TM9SF2: variants seen among roughly 807,000 people sequenced by gnomAD.
The protein encoded by TM9SF2 is 76 kDa membrane protein.
A neutral mutation model predicts 84.9 loss-of-function variants in TM9SF2; 13 were observed. The ratio of observed to expected loss-of-function variants is 0.15; its 90% CI spans 0.10 to 0.24. TM9SF2 has a LOEUF of 0.24. TM9SF2 is among the 10% of genes least tolerant of loss of function. TM9SF2 has a pLI of 1.00. For missense variants in TM9SF2, 562 were observed against 818.5 expected (o/e 0.69, Z 3.82); for synonymous variants, 273 against 285.8 (o/e 0.96, Z 0.45).
chr13:99,543,463 C>T (rs1263018836), intron 9 of TM9SF2, among the ~76,000 whole-genome samples: 2 of 152,136 alleles, frequency 1.3e-5, no homozygotes, highest in African/African-American at 4.8e-5. Flanking sequence ...AGCAAAGTAG[C>T]TAGAATATGA....
chr13:99,549,160 T>C lies in TM9SF2; in HGVS notation c.1271-5T>C, dbSNP rs199799006. 1.3e-4 allele frequency: 204 copies of C among 1,612,302 alleles called. 1 individual carries two copies. The African/African-American group carries it at 2.4e-3, about 19-fold the overall frequency. ...TATTTATACAACTTTTGTTTTCTTC[T>C]ATAGCCTTTGGAGGTGAGAAGTGGA... is the stretch of plus-strand genomic sequence containing the variant. On this transcript the variant is annotated splice_polypyrimidine_tract_variant and splice_region_variant and intron_variant, in intron 11 of 16. Coordinates refer to ENST00000376387, the MANE Select transcript of TM9SF2 (RefSeq NM_004800.3).
At chr13:99,515,609 T>C (rs1367843987) in intron 1 of TM9SF2, among the ~76,000 whole-genome samples, 1 of 152,242 alleles carries the variant, frequency 6.6e-6, no homozygotes, top group Non-Finnish European at 1.5e-5. Context: ...TTCCCTCTTC[T>C]GAATATTACT....
intron 1 of TM9SF2, 37 bp downstream of exon 1, chr13:99,501,814 G>A: frequency 6.3e-7 from 1 of 1,577,458 alleles, no homozygotes; most frequent in Non-Finnish European, 8.6e-7. Context: ...ATGCACTGTT[G>A]GAAGGGGAAG....
intron 16 of TM9SF2, among the ~76,000 whole-genome samples, chr13:99,561,618 G>A (rs1485510847): frequency 4.6e-5 from 7 of 152,164 alleles, no homozygotes; most frequent in African/African-American, 7.2e-5. Context: ...TACAATGTAA[G>A]GATGGATATA....
At chr13:99,508,439 A>ACACC (rs751358332) in intron 1 of TM9SF2, among the ~76,000 whole-genome samples, 3 of 151,448 alleles carry the variant, frequency 2.0e-5, no homozygotes, top group Admixed American at 6.6e-5. Context: ...ACACACACAC[A>ACACC]CACACCCCAG....
rs762293864 is a variant in TM9SF2 at position 99,539,555 on chromosome 13, G to C, written c.826G>C (p.Glu276Gln). 2 of 1,570,188 alleles carry C rather than the reference G, an allele frequency of 1.3e-6. No homozygotes were observed. The highest frequency in any genetic ancestry group is 3.3e-5 in the Admixed American group (2 of 59,942). The change falls in exon 7 of 17, where the codon GAG (glutamate) becomes CAG (glutamine). Residue 276 changes from glutamate to glutamine, a missense_variant and splice_region_variant. Physicochemically the swap from Glu to Gln is conservative, Grantham distance 29 (BLOSUM62 2). This residue lies in a region of TM9SF2 where 219 missense variants were observed against 338.1 expected (regional missense o/e 0.65). Transcript: ENST00000376387. Reference sequence around the variant, plus strand: ...TGCCTATACTTACTCTGTTAGCTTCGAGGTGAGTCTGTTGTTATCTTTAGT... The same window carrying C: ...TGCCTATACTTACTCTGTTAGCTTCCAGGTGAGTCTGTTGTTATCTTTAGT... ...KIAYTYSVSF[E>Q]EDDKIRWASR... is the part of the protein sequence containing the mutation.
chr13:99,562,027 G>A (rs1223681050), intron 16 of TM9SF2, among the ~76,000 whole-genome samples: 1 of 152,140 alleles, frequency 6.6e-6, no homozygotes, highest in Non-Finnish European at 1.5e-5. Flanking sequence ...AATAGTCTAT[G>A]GAGGCAATGA....
chr13:99,502,695 G>T (rs1209291840), intron 1 of TM9SF2, among the ~76,000 whole-genome samples: 1 of 152,124 alleles, frequency 6.6e-6, no homozygotes, highest in Admixed American at 6.5e-5. Flanking sequence ...ATTTCGTTAA[G>T]TTTATTTAAA....
At chr13:99,552,613 A>C (rs951853051) in intron 13 of TM9SF2, among the ~76,000 whole-genome samples, 6 of 152,106 alleles carry the variant, frequency 3.9e-5, no homozygotes, top group African/African-American at 1.4e-4. Context: ...TCATTCATTC[A>C]TTCATTTAGA....
chr13:99,539,789 A>G (rs544765047), intron 7 of TM9SF2, among the ~76,000 whole-genome samples: 1 of 152,194 alleles, frequency 6.6e-6, no homozygotes, highest in Non-Finnish European at 1.5e-5. Flanking sequence ...AGTGTTAAGC[A>G]TAAGAGATAC....
intron 4 of TM9SF2, among the ~76,000 whole-genome samples, chr13:99,531,199 T>C (rs567010270): frequency 6.6e-6 from 1 of 152,278 alleles, no homozygotes; most frequent in South Asian, 2.1e-4. Flanking sequence ...AAATCCAACA[T>C]TTGAAGTATA....
chr13:99,555,984 A>G lies in TM9SF2; in HGVS notation c.1752+337A>G, dbSNP rs183655626. On this transcript the variant is annotated intron_variant, in intron 15 of 16. Coordinates refer to ENST00000376387, the MANE Select transcript of TM9SF2 (RefSeq NM_004800.3). ...GCCTGAGATAAAAGAATATAAAATA[A>G]TCTATTAAAAAATACAAAAAAAATT... 6.1e-3 allele frequency among the ~76,000 whole-genome samples: 929 copies of G among 152,244 alleles called. 8 individuals are homozygous for G. The highest frequency in any genetic ancestry group is 0.021 in the African/African-American group (855 of 41,566).
Position 99,549,166 on chromosome 13 carries a change from C to T in TM9SF2, c.1272C>T (p.Ser424=), listed in dbSNP as rs1393329193. 6 of 1,612,398 alleles carry T rather than the reference C, an allele frequency of 3.7e-6. No individual in the cohort carries two copies. The highest frequency in any genetic ancestry group is 1.3e-5 in the African/African-American group (1 of 74,804). ...TACAACTTTTGTTTTCTTCTATAGC[C>T]TTTGGAGGTGAGAAGTGGAAAACAA... ...AGYVAARFYK[S]FGGEKWKTNV... is the part of the protein sequence containing the mutation. The change falls in exon 12 of 17, where the codon TCC becomes TCT. Residue 424 remains serine, a splice_region_variant and synonymous_variant. Coordinates refer to ENST00000376387, the MANE Select transcript of TM9SF2 (RefSeq NM_004800.3).
Position 99,559,408 on chromosome 13 carries a change from G to T in TM9SF2, c.1798G>T (p.Ala600Ser), listed in dbSNP as rs1566575077. 6.2e-7 allele frequency: 1 copy of T among 1,607,494 alleles called. No individual in the cohort carries two copies. Among genetic ancestry groups the T allele is most frequent in the Admixed American group, 1.7e-5 (1 of 58,850 alleles). ...TTCATTCCTTACGAGTGGCTTTACT[G>T]CAGTTTATTTCTTAATCTATGCAGT... ...WRSFLTSGFT[A>S]VYFLIYAVHY... Residue 600 changes from alanine (A) to serine (S), a missense_variant, in exon 16 of 17, where the codon GCA becomes TCA. By Grantham distance (99) the Ala-to-Ser change is moderately conservative (BLOSUM62 1). Around this residue, in one of 4 missense-constraint regions of TM9SF2, gnomAD observed 63 missense variants for 109.2 expected, o/e 0.58. Coordinates refer to ENST00000376387, the MANE Select transcript of TM9SF2 (RefSeq NM_004800.3).
At chr13:99,512,835 A>G (rs955185742) in intron 1 of TM9SF2, among the ~76,000 whole-genome samples, 2 of 152,174 alleles carry the variant, frequency 1.3e-5, no homozygotes, top group Non-Finnish European at 2.9e-5. Flanking sequence ...ATCCATGGGG[A>G]GTGCTGACAG....
chr13:99,553,898 C>T (rs1449181650), intron 13 of TM9SF2, among the ~76,000 whole-genome samples: 3 of 152,146 alleles, frequency 2.0e-5, no homozygotes, highest in African/African-American at 4.8e-5. Context: ...GATGACATTG[C>T]GCACCTCCAA....
Position 99,533,298 on chromosome 13 carries a change from C to T in TM9SF2, c.462-3310C>T, listed in dbSNP as rs374906570. Reference sequence around the variant, plus strand: ...AAAGTAAGTCTTCTGTCAGTCTCAGCCTCATTTCTATTCTACAGAACTAAC... The same window carrying T: ...AAAGTAAGTCTTCTGTCAGTCTCAGTCTCATTTCTATTCTACAGAACTAAC... On this transcript the variant is annotated intron_variant, in intron 4 of 16. Transcript: ENST00000376387. Among the ~76,000 whole-genome samples, 60 of 152,234 alleles carry T rather than the reference C, an allele frequency of 3.9e-4. No individual in the cohort carries two copies. The East Asian group carries it at 9.8e-3, about 25-fold the overall frequency.
intron 10 of TM9SF2, among the ~76,000 whole-genome samples, chr13:99,544,215 G>A (rs2046273090): frequency 6.6e-6 from 1 of 152,004 alleles, no homozygotes; most frequent in Admixed American, 6.6e-5. Flanking sequence ...GGGCATGGTG[G>A]CAGGTGCCTG....
chr13:99,519,198 T>G (rs2046148364), intron 2 of TM9SF2, among the ~76,000 whole-genome samples: 1 of 152,204 alleles, frequency 6.6e-6, no homozygotes, highest in Non-Finnish European at 1.5e-5. Context: ...TTTTCCAGTT[T>G]TTGTTTTGTT....
Sources: allele counts gnomAD v4.1 joint callset (sites outside exome capture counted in the v4.1 genomes callset), GRCh38; gene constraint gnomAD v4.1.1; regional missense constraint gnomAD v4.1.1; transcripts MANE v1.5; gene names NCBI Gene and HGNC (gene_info 2026-07-23, HGNC 2026-07-21).